Variants in SEMA4A observed in about 807,000 individuals in gnomAD.
The protein encoded by SEMA4A is semaphorin 4A, also known as semaphorin-4A.
Under a neutral mutation model 72.5 loss-of-function variants are expected in SEMA4A, and 52 were observed. The ratio of observed to expected loss-of-function variants is 0.72; its 90% CI spans 0.57 to 0.90. The LOEUF (loss-of-function observed/expected upper bound fraction) is 0.90, where lower values mean the gene tolerates loss of function less well. Ranked by LOEUF, SEMA4A falls within the 40% of genes least tolerant of loss-of-function variation. The probability of loss-of-function intolerance (pLI) is 0.00; values close to 1 mark genes in which losing one functional copy is unlikely to be tolerated. For missense variants in SEMA4A, 926 were observed against 959.7 expected (o/e 0.96, Z 0.46); for synonymous variants, 369 against 393.1 (o/e 0.94, Z 0.73).
At chr1:156,152,756 A>G (rs1161468703), upstream of SEMA4A, among the ~76,000 whole-genome samples, 1 of 152,218 alleles carries the variant, frequency 6.6e-6, no homozygotes, top group East Asian at 1.9e-4. Context: ...GTTACACTAC[A>G]GGAAGGACTT....
Position 156,161,332 on chromosome 1 carries a change from C to G in SEMA4A, c.811-14C>G. On this transcript the variant is annotated splice_polypyrimidine_tract_variant and intron_variant, in intron 8 of 14. Transcript: ENST00000368285. ...GGCGCCCGGGGCGCCCCCTGACTCC[C>G]CCTGTGCCCCCAGAATGACGTGGGC... The G allele has an allele frequency of 1.2e-6, 2 of 1,604,938 alleles. No individual in the cohort carries two copies. Among genetic ancestry groups the G allele is most frequent in the Non-Finnish European group, 1.7e-6 (2 of 1,175,936 alleles).
intron 6 of SEMA4A, 32 bp from the exon 7 acceptor site, chr1:156,160,411 T>C: frequency 1.3e-6 from 2 of 1,537,554 alleles, no homozygotes; most frequent in Non-Finnish European, 1.8e-6. Flanking sequence ...CTCCACCCCA[T>C]CAGTTCTCTC....
At chr1:156,176,325 C>A in intron 14 of SEMA4A, 80 bp from the exon 15 acceptor site, 2 of 1,114,394 alleles carry the variant, frequency 1.8e-6, no homozygotes, top group Non-Finnish European at 2.6e-6. Context: ...GGCTGGGGTC[C>A]AAAGATAGGT....
At chr1:156,161,547 T>A in intron 9 of SEMA4A, 29 bp downstream of exon 9, 1 of 1,612,412 alleles carries the variant, frequency 6.2e-7, no homozygotes. Context: ...CCATGGGGGC[T>A]GGACACGGGA....
chr1:156,168,444 G>A (rs1456659247), intron 10 of SEMA4A, among the ~76,000 whole-genome samples: 2 of 151,380 alleles, frequency 1.3e-5, no homozygotes, highest in East Asian at 1.9e-4. Flanking sequence ...GACTGGTCTC[G>A]AACTCCTGAC....
At chr1:156,158,856 A>G (rs1196779101) in intron 6 of SEMA4A, 32 bp downstream of exon 6, 12 of 1,523,116 alleles carry the variant, frequency 7.9e-6, no homozygotes, top group African/African-American at 1.4e-5. Flanking sequence ...TCATCCCAAC[A>G]TCTACTTTCT....
In SEMA4A at chr1:156,177,405, C is replaced by A; in HGVS notation, c.*408C>A. On this transcript the variant is annotated 3_prime_UTR_variant, in exon 15 of 15. Coordinates refer to ENST00000368285, the MANE Select transcript of SEMA4A (RefSeq NM_022367.4). ...ATCTAAACAATCATATGCTAACATG[C>A]CACTCCTGGAAACTCCACTCTGAAG... The A allele has an allele frequency of 3.4e-6, 1 of 292,780 alleles. No homozygotes were observed. Among genetic ancestry groups the A allele is most frequent in the South Asian group, 3.4e-5 (1 of 29,058 alleles). 18.1% of individuals were successfully genotyped at this position (292,780 alleles called of 1,614,324 possible). A position where few individuals can be genotyped will look rare whatever the true frequency, so the allele number is the denominator to read the frequency against.
intron 11 of SEMA4A, 111 bp downstream of exon 11, chr1:156,173,117 T>A: frequency 9.0e-7 from 1 of 1,108,828 alleles, no homozygotes; most frequent in Non-Finnish European, 1.3e-6. Flanking sequence ...AACTGTTTAC[T>A]GAGCACCTGC....
intron 6 of SEMA4A, 136 bp from the exon 7 acceptor site, chr1:156,160,307 C>G: frequency 1.4e-6 from 1 of 737,596 alleles, no homozygotes; most frequent in Non-Finnish European, 2.4e-6. Context: ...GCCTTTGAGG[C>G]TCCCCAGGAA....
In SEMA4A at chr1:156,170,618, G is replaced by A. The variant is rs544976453; in HGVS notation, c.1135-2208G>A. ...AATAGAAAAAAATTAGCCAGGCGTG[G>A]TGGCGGGCGCCTGTAATCCCAGCTA... On this transcript the variant is annotated intron_variant, in intron 10 of 14. Coordinates refer to ENST00000368285, the MANE Select transcript of SEMA4A (RefSeq NM_022367.4). Among the ~76,000 whole-genome samples, 4 of 151,944 alleles carry A rather than the reference G, an allele frequency of 2.6e-5. No individual in the cohort carries two copies. The South Asian group carries it at 6.2e-4, about 24-fold the overall frequency.
At chr1:156,153,970 C>A (rs1188667780) in intron 1 of SEMA4A, among the ~76,000 whole-genome samples, 1 of 152,166 alleles carries the variant, frequency 6.6e-6, no homozygotes, top group Non-Finnish European at 1.5e-5. Context: ...AGTATCAGGC[C>A]AGGCAGGCCT....
chr1:156,172,336 G>A (rs969385298), intron 10 of SEMA4A, among the ~76,000 whole-genome samples: 11 of 151,660 alleles, frequency 7.3e-5, no homozygotes, highest in Admixed American at 3.3e-4. Context: ...GGCTGGTCTC[G>A]AACTCCTGAC....
chr1:156,149,230 G>GCAGCT (rs1478238505), upstream of SEMA4A, among the ~76,000 whole-genome samples: 57 of 152,296 alleles, frequency 3.7e-4, no homozygotes, highest in African/African-American at 1.3e-3. Context: ...TCTCAAAAAG[G>GCAGCT]CTCCATACAA....
chr1:156,153,142 A>G (rs1652684275), upstream of SEMA4A, among the ~76,000 whole-genome samples: 1 of 152,182 alleles, frequency 6.6e-6, no homozygotes, highest in South Asian at 2.1e-4. Flanking sequence ...TTCCTCAGCA[A>G]AATCATGGAT....
intron 10 of SEMA4A, among the ~76,000 whole-genome samples, chr1:156,164,795 T>G (rs968437179): frequency 2.0e-5 from 3 of 151,986 alleles, no homozygotes; most frequent in Non-Finnish European, 4.4e-5. Flanking sequence ...AAGCTTTTTA[T>G]TTATTTTTAT....
At chr1:156,159,031 C>CA (rs34840198) in intron 6 of SEMA4A, 40,741 of 284,556 alleles carry the variant, frequency 0.14, 2,813 homozygotes, top group African/African-American at 0.19. Context: ...GAGATCGTCT[C>CA]AAAAAAAAAA....
chr1:156,173,710 T>C (rs916710095), intron 11 of SEMA4A, among the ~76,000 whole-genome samples: 1 of 152,008 alleles, frequency 6.6e-6, no homozygotes, highest in Non-Finnish European at 1.5e-5. Context: ...GGAGCTCTTA[T>C]TTGAAGGCTT....
rs560708428 is a variant in SEMA4A at position 156,157,674 on chromosome 1, T to C, written c.301-396T>C. ...TCTAAGGCGTGACCCAGGAACCAAC[T>C]TGTTAAACAATTTCCCCAGGAAATG... On this transcript the variant is annotated intron_variant, in intron 3 of 14. Transcript: ENST00000368285. The surrounding 1 kb of genome is among the most constrained non-coding windows in gnomAD (Gnocchi z 4.5). Among the ~76,000 whole-genome samples, 10 of 152,346 alleles carry C rather than the reference T, an allele frequency of 6.6e-5. No homozygotes were observed. The East Asian group carries it at 1.9e-3, about 29-fold the overall frequency.
chr1:156,172,092 G>A (rs1036591707), intron 10 of SEMA4A, among the ~76,000 whole-genome samples: 11 of 143,954 alleles, frequency 7.6e-5, no homozygotes, highest in African/African-American at 1.1e-4. Flanking sequence ...CTGTTTGTTT[G>A]TTTGTTTATT....
Sources: gnomAD v4.1 joint callset for allele counts (sites outside exome capture counted in the v4.1 genomes callset) on GRCh38, gnomAD v4.1.1 for gene constraint, Gnocchi (gnomAD v3.1) non-coding constraint, MANE v1.5 for transcripts, NCBI Gene and HGNC (gene_info 2026-07-23, HGNC 2026-07-21) for gene names.